Variants in SYT9 observed in about 807,000 individuals in gnomAD.
The protein encoded by SYT9 is synaptotagmin 9.
A neutral mutation model predicts 48.4 loss-of-function variants in SYT9; 22 were observed. The ratio of observed to expected loss-of-function variants is 0.45; its 90% CI spans 0.32 to 0.65. The LOEUF is 0.65. SYT9 is among the 30% of genes least tolerant of loss of function. SYT9 has a pLI of 0.03. For missense variants in SYT9, 577 were observed against 622.0 expected (o/e 0.93, Z 0.77); for synonymous variants, 265 against 245.0 (o/e 1.08, Z -0.76).
At chr11:7,337,616 GATA>G (rs1849651063) in intron 3 of SYT9, among the ~76,000 whole-genome samples, 3 of 152,280 alleles carry the variant, frequency 2.0e-5, no homozygotes, top group Admixed American at 1.3e-4. Flanking sequence ...CATCTATTGA[GATA>G]ATCATGTGGC....
intron 4 of SYT9, among the ~76,000 whole-genome samples, chr11:7,416,510 T>C (rs1334906237): frequency 6.6e-6 from 1 of 152,224 alleles, no homozygotes; most frequent in Non-Finnish European, 1.5e-5. Context: ...TCCACATCTG[T>C]AGATTCAACC....
In SYT9 at chr11:7,458,795, C is replaced by T. The variant is rs556605840; in HGVS notation, c.1468-7997C>T. Among the ~76,000 whole-genome samples the T allele has an allele frequency of 2.5e-4, 38 of 152,278 alleles. No individual in the cohort carries two copies. The South Asian group carries it at 7.9e-3, about 32-fold the overall frequency. ...GTAGGGGATGAGATCAGAAAGGTAA[C>T]AGCGGGCAGAGCTCAGGTAACTGGA... On this transcript the variant is annotated intron_variant, in intron 6 of 6. Coordinates refer to ENST00000318881, the MANE Select transcript of SYT9 (RefSeq NM_175733.4).
intron 6 of SYT9, chr11:7,454,163 C>T: frequency 1.0e-6 from 1 of 985,374 alleles, no homozygotes; most frequent in South Asian, 4.7e-5. Context: ...GATGAGAGTC[C>T]AAGCCTCCAG....
At chr11:7,452,161 A>G (rs1233252408) in intron 6 of SYT9, among the ~76,000 whole-genome samples, 1 of 147,474 alleles carries the variant, frequency 6.8e-6, no homozygotes, top group African/African-American at 2.6e-5. Context: ...AGGAAAAACA[A>G]ACAATGATAA....
At chr11:7,388,349 A>G (rs1278039997) in intron 3 of SYT9, among the ~76,000 whole-genome samples, 2 of 152,080 alleles carry the variant, frequency 1.3e-5, no homozygotes, top group South Asian at 2.1e-4. Flanking sequence ...TGTATTTTCA[A>G]CCATGACATG....
chr11:7,428,541 G>A (rs1448690877), intron 6 of SYT9, among the ~76,000 whole-genome samples: 2 of 152,322 alleles, frequency 1.3e-5, no homozygotes, highest in South Asian at 2.1e-4. Flanking sequence ...GGGGCCTGGG[G>A]CAAAGGCGGA....
intron 6 of SYT9, among the ~76,000 whole-genome samples, chr11:7,430,757 C>A (rs1297576130): frequency 6.6e-6 from 1 of 152,108 alleles, no homozygotes; most frequent in Non-Finnish European, 1.5e-5. Flanking sequence ...TCTGCTCTGC[C>A]AAGTGAGATG....
upstream of SYT9, among the ~76,000 whole-genome samples, chr11:7,247,655 T>TAC (rs1554895396): frequency 4.1e-4 from 56 of 137,546 alleles, no homozygotes; most frequent in African/African-American, 1.3e-3. Flanking sequence ...TATATATATA[T>TAC]ACATATGTAT....
chr11:7,302,830 G>A (rs984140675), intron 1 of SYT9, among the ~76,000 whole-genome samples: 1 of 152,148 alleles, frequency 6.6e-6, no homozygotes, highest in Admixed American at 6.5e-5. Context: ...TACCTCCTCT[G>A]TGTTTCTGCT....
chr11:7,332,031 T>G (rs146410661), intron 3 of SYT9, among the ~76,000 whole-genome samples: 591 of 152,288 alleles, frequency 3.9e-3, no homozygotes, highest in African/African-American at 0.014. Flanking sequence ...TGAATCTTAA[T>G]TTGGAATTCC....
intron 3 of SYT9, among the ~76,000 whole-genome samples, chr11:7,350,705 T>C (rs1849898716): frequency 6.6e-6 from 1 of 152,200 alleles, no homozygotes; most frequent in African/African-American, 2.4e-5. Flanking sequence ...CACAGCTCCT[T>C]CTTTGGTGAC....
intron 1 of SYT9, among the ~76,000 whole-genome samples, chr11:7,256,457 C>T (rs1170086572): frequency 2.0e-5 from 3 of 152,128 alleles, no homozygotes; most frequent in Admixed American, 2.0e-4. Context: ...TATGAGTAAA[C>T]TGAAGTCCAG....
At chr11:7,263,833 G>A (rs1387162156) in intron 1 of SYT9, among the ~76,000 whole-genome samples, 1 of 149,094 alleles carries the variant, frequency 6.7e-6, no homozygotes. Flanking sequence ...TGAGAGGAGA[G>A]AAATTGAGAG....
chr11:7,356,693 C>A (rs893612883), intron 3 of SYT9, among the ~76,000 whole-genome samples: 1 of 152,192 alleles, frequency 6.6e-6, no homozygotes, highest in Non-Finnish European at 1.5e-5. Context: ...ACAGTAGATG[C>A]AATTAAAAGT....
intron 3 of SYT9, among the ~76,000 whole-genome samples, chr11:7,346,317 A>T (rs966819646): frequency 1.1e-4 from 16 of 152,220 alleles, no homozygotes; most frequent in African/African-American, 3.6e-4. Context: ...AAGCCTGGAG[A>T]TGCAAGAAAG....
chr11:7,395,588 T>C (rs7130008), intron 3 of SYT9, among the ~76,000 whole-genome samples: 4,273 of 152,242 alleles, frequency 0.028, 203 homozygotes, highest in African/African-American at 0.096. Context: ...TTTATCATTA[T>C]GTAATGACTT....
chr11:7,372,668 T>A (rs768018835), intron 3 of SYT9, among the ~76,000 whole-genome samples: 2 of 152,294 alleles, frequency 1.3e-5, no homozygotes, highest in Non-Finnish European at 2.9e-5. Context: ...TTGTAGGAAT[T>A]CTTTATTTTT....
In SYT9 at chr11:7,360,255, A is replaced by T. The variant is rs12418727; in HGVS notation, c.1044+46314A>T. On this transcript the variant is annotated intron_variant, in intron 3 of 6. Transcript: ENST00000318881. ...TACCATGCTGTTTTGGTTACTGTAG[A>T]CTTGTAGTATAGTTTGAAGTCAGGT... 1.8e-3 allele frequency among the ~76,000 whole-genome samples: 279 copies of T among 151,908 alleles called. 1 individual carries two copies. The highest frequency in any genetic ancestry group is 4.3e-3 in the Admixed American group (65 of 15,266).
At chr11:7,250,370 C>A (rs1355215430), upstream of SYT9, among the ~76,000 whole-genome samples, 1 of 152,090 alleles carries the variant, frequency 6.6e-6, no homozygotes, top group Non-Finnish European at 1.5e-5. Flanking sequence ...CAGTTCCTCT[C>A]TGACATGATG....
Sources: allele counts gnomAD v4.1 joint callset (sites outside exome capture counted in the v4.1 genomes callset), GRCh38; gene constraint gnomAD v4.1.1; transcripts MANE v1.5; gene names NCBI Gene and HGNC (gene_info 2026-07-23, HGNC 2026-07-21).